Variants in ATXN7 observed in about 807,000 individuals in gnomAD.
ATXN7 encodes ataxin 7.
In ATXN7, 12 loss-of-function variants were observed where a neutral mutation model predicts 70.5. The observed-to-expected ratio is 0.17, with a 90% CI of 0.11 to 0.28. ATXN7 has a LOEUF of 0.28. Among genes scored for constraint, ATXN7 ranks in the 10% least tolerant of loss-of-function variants. The pLI is 1.00. For synonymous variants in ATXN7, 498 were observed against 448.7 expected, an observed-to-expected ratio of 1.11 and a Z score of -1.39; for missense variants, 1,256 against 1,131.7, an observed-to-expected ratio of 1.11 and a Z score of -1.58.
At chr3:63,955,312 G>C (rs528173131) in intron 5 of ATXN7, among the ~76,000 whole-genome samples, 53 of 152,304 alleles carry the variant, frequency 3.5e-4, no homozygotes, top group Middle Eastern at 3.4e-3. Flanking sequence ...TGCTCTGAGA[G>C]AGGGATTCTG....
chr3:63,878,584 CAG>C (rs1267197016), intron 1 of ATXN7: 3 of 152,324 alleles, frequency 2.0e-5, no homozygotes, highest in East Asian at 3.9e-4. Flanking sequence ...TGGCAGGAAA[CAG>C]AGTCCAACTC....
chr3:63,963,939 C>T (rs192934394), intron 5 of ATXN7, among the ~76,000 whole-genome samples: 18 of 152,194 alleles, frequency 1.2e-4, no homozygotes, highest in Admixed American at 9.2e-4. Context: ...GGATTGCTTT[C>T]CAAAAAGGCT....
At chr3:63,891,150 C>G (rs559135509) in intron 1 of ATXN7, among the ~76,000 whole-genome samples, 39 of 152,220 alleles carry the variant, frequency 2.6e-4, no homozygotes, top group African/African-American at 9.1e-4. Flanking sequence ...GCTGGGACTA[C>G]AGGCACGCAG....
At chr3:63,864,383 G>T (rs573046639) in intron 1 of ATXN7, 1 of 152,198 alleles carries the variant, frequency 6.6e-6, no homozygotes, top group East Asian at 2.0e-4. Context: ...GGTACCGAGG[G>T]GGGCGCGTCG....
At chr3:63,946,377 C>T (rs1337248747) in intron 4 of ATXN7, among the ~76,000 whole-genome samples, 3 of 151,990 alleles carry the variant, frequency 2.0e-5, no homozygotes, top group African/African-American at 4.8e-5. Flanking sequence ...CGGTGGCTCA[C>T]GCCTATAATC....
At chr3:63,901,769 T>C (rs1456002068) in intron 2 of ATXN7, 1 of 150,086 alleles carries the variant, frequency 6.7e-6, no homozygotes, top group Admixed American at 6.8e-5. Flanking sequence ...TGAATAGTAT[T>C]CCATTGTGTG....
intron 12 of ATXN7, chr3:63,998,508 A>G: frequency 1.0e-6 from 1 of 985,256 alleles, no homozygotes; most frequent in Non-Finnish European, 1.2e-6. Flanking sequence ...ACTATGTCTT[A>G]CTAGAACAAC....
At chr3:63,955,623 G>C (rs1218122013) in intron 5 of ATXN7, among the ~76,000 whole-genome samples, 1 of 152,194 alleles carries the variant, frequency 6.6e-6, no homozygotes, top group East Asian at 1.9e-4. Flanking sequence ...GAAATTTTTA[G>C]AAAGCCAGTT....
intron 12 of ATXN7, chr3:63,997,799 T>A: frequency 6.8e-7 from 1 of 1,480,408 alleles, no homozygotes; most frequent in Non-Finnish European, 8.9e-7. Context: ...CTTAGTATTT[T>A]CGTAGTGTGA....
chr3:63,949,256 CTTTTTT>C (rs763880324), intron 4 of ATXN7, among the ~76,000 whole-genome samples: 1 of 135,266 alleles, frequency 7.4e-6, no homozygotes, highest in Non-Finnish European at 1.6e-5. Flanking sequence ...TATAGAATTC[CTTTTTT>C]TTTTTTTTTT....
intron 1 of ATXN7, among the ~76,000 whole-genome samples, chr3:63,873,264 C>T (rs1206878052): frequency 1.3e-5 from 2 of 152,134 alleles, no homozygotes; most frequent in Non-Finnish European, 2.9e-5. Context: ...CTAAATCTGA[C>T]TACTTTAAAC....
intron 4 of ATXN7, 42 bp from the exon 5 acceptor site, chr3:63,952,337 C>G: frequency 6.7e-7 from 1 of 1,497,458 alleles, no homozygotes; most frequent in East Asian, 2.3e-5. Flanking sequence ...TTATATCAGT[C>G]AGAACCAGAT....
At position 64,002,369 on chromosome 3, in the gene ATXN7, G is replaced by A. The variant is rs2075841908; in HGVS notation, c.*2902G>A. ...GTCTTTGTCCCTTTTAGTGTCTCGG[G>A]AGTGGATTCATACAGATGAAGTGGG... On this transcript the variant is annotated 3_prime_UTR_variant, in exon 13 of 13. Coordinates refer to ENST00000674280, the MANE Select transcript of ATXN7 (RefSeq NM_001377405.1). 1 of 152,496 alleles carries A rather than the reference G, an allele frequency of 6.6e-6. No individual in the cohort carries two copies. The highest frequency in any genetic ancestry group is 1.9e-4 in the East Asian group (1 of 5,190). The allele number at this position is 152,496 out of a possible 1,614,324, so 9.4% of individuals were successfully genotyped here.
At chr3:63,884,280 C>T (rs1703012002) in intron 1 of ATXN7, among the ~76,000 whole-genome samples, 1 of 151,876 alleles carries the variant, frequency 6.6e-6, no homozygotes. Context: ...CTCTCTCTCT[C>T]TCCACACACA....
chr3:63,984,040 G>A (rs2075531972), intron 8 of ATXN7, among the ~76,000 whole-genome samples: 1 of 152,030 alleles, frequency 6.6e-6, no homozygotes, highest in East Asian at 1.9e-4. Context: ...CCTGTCCCAT[G>A]CCCCAGCCAG....
upstream of ATXN7, chr3:63,863,812 G>A: frequency 8.1e-7 from 1 of 1,234,634 alleles, no homozygotes; most frequent in Middle Eastern, 3.1e-4. Flanking sequence ...CGGCGGCGGC[G>A]GCGGCGGCGG....
chr3:63,898,943 A>G (rs1229635029), intron 2 of ATXN7, among the ~76,000 whole-genome samples: 1 of 152,232 alleles, frequency 6.6e-6, no homozygotes, highest in East Asian at 1.9e-4. Flanking sequence ...TAAAACAGGC[A>G]AGCGTTCTTC....
intron 5 of ATXN7, among the ~76,000 whole-genome samples, chr3:63,965,726 G>A (rs920666640): frequency 3.9e-5 from 6 of 152,028 alleles, no homozygotes; most frequent in Non-Finnish European, 7.4e-5. Flanking sequence ...ATCGAGAAAC[G>A]GTTTGAAGAA....
At chr3:63,983,068 G>C (rs994985234) in intron 8 of ATXN7, 47 bp downstream of exon 8, 1 of 1,448,290 alleles carries the variant, frequency 6.9e-7, no homozygotes, top group Non-Finnish European at 9.7e-7. Context: ...ATAAACATGG[G>C]TGACTGGGAT....
Sources: gnomAD v4.1 joint callset for allele counts (sites outside exome capture counted in the v4.1 genomes callset) on GRCh38, gnomAD v4.1.1 for gene constraint, MANE v1.5 for transcripts, NCBI Gene and HGNC (gene_info 2026-07-23, HGNC 2026-07-21) for gene names.